SDHB: variants seen among roughly 807,000 people sequenced by gnomAD.
The protein encoded by SDHB is succinate dehydrogenase [ubiquinone] iron-sulfur subunit, mitochondrial.
A neutral mutation model predicts 39.7 loss-of-function variants in SDHB; 21 were observed. The observed-to-expected ratio is 0.53, with a 90% CI of 0.37 to 0.76. The LOEUF is 0.76. Among genes scored for constraint, SDHB ranks in the 30% least tolerant of loss-of-function variants. The pLI is 0.00. For missense variants in SDHB, 343 were observed against 350.9 expected (o/e 0.98, Z 0.18); for synonymous variants, 118 against 117.0 (o/e 1.01, Z -0.06).
At chr1:17,050,455 C>A (rs2078139637) in intron 1 of SDHB, among the ~76,000 whole-genome samples, 1 of 151,908 alleles carries the variant, frequency 6.6e-6, no homozygotes, top group African/African-American at 2.4e-5. Flanking sequence ...TCGAGATCAG[C>A]CTGGCCAACA....
At chr1:17,022,490 G>A in intron 7 of SDHB, 118 bp downstream of exon 7, 1 of 1,381,950 alleles carries the variant, frequency 7.2e-7, no homozygotes, top group Non-Finnish European at 1.0e-6. Flanking sequence ...GGCATATGCT[G>A]GTCCCTTTCC....
intron 2 of SDHB, among the ~76,000 whole-genome samples, chr1:17,041,925 T>C: frequency 6.6e-6 from 1 of 151,996 alleles, no homozygotes; most frequent in East Asian, 1.9e-4. Context: ...TAAGATTTTT[T>C]TTTCTTTTTT....
At chr1:17,019,243 TCTGA>T (rs1277104222) in intron 7 of SDHB, among the ~76,000 whole-genome samples, 1 of 152,204 alleles carries the variant, frequency 6.6e-6, no homozygotes, top group Non-Finnish European at 1.5e-5. Flanking sequence ...AGGTGCACTC[TCTGA>T]CTGCTCAAAG....
Position 17,039,360 on chromosome 1 carries a change from G to C in SDHB, c.200+5401C>G, listed in dbSNP as rs185868839. Among the ~76,000 whole-genome samples the C allele has an allele frequency of 2.0e-5, 3 of 150,114 alleles. No individual in the cohort carries two copies. In the East Asian group the frequency reaches 5.9e-4, roughly 29 times the overall value. On this transcript the variant is annotated intron_variant, in intron 2 of 7. Transcript: ENST00000375499. ...AGCACTTTGGAAGGCTGATGCAGGA[G>C]GACTGCTTGAGCCCAGGAGACCAGT...
intron 7 of SDHB, among the ~76,000 whole-genome samples, chr1:17,022,243 G>A (rs546767720): frequency 2.0e-5 from 3 of 152,310 alleles, no homozygotes; most frequent in South Asian, 2.1e-4. Context: ...AGCTGACATC[G>A]CGAGAAAGAT....
Position 17,053,963 on chromosome 1 carries a change from G to C in SDHB, c.57C>G (p.Gly19=). 1 of 1,612,768 alleles carries C rather than the reference G, an allele frequency of 6.2e-7. No homozygotes were observed. Among genetic ancestry groups the C allele is most frequent in the Non-Finnish European group, 8.5e-7 (1 of 1,179,432 alleles). ...LRRRLPATTL[G]GACLQASRGA... ...CAGGACTCACCTGCAGGCAGGCTCC[G>C]CCAAGGGTTGTGGCCGGCAACCGGC... is the stretch of plus-strand genomic sequence containing the variant. The change falls in exon 1 of 8, where the codon GGC becomes GGG. Residue 19 remains glycine, a synonymous_variant. Transcript: ENST00000375499.
At chr1:17,022,538 C>G (rs2077967371) in intron 7 of SDHB, 70 bp downstream of exon 7, 1 of 1,601,606 alleles carries the variant, frequency 6.2e-7, no homozygotes, top group African/African-American at 1.3e-5. Flanking sequence ...CCAATCACCT[C>G]TTTGTGAGCA....
intron 2 of SDHB, among the ~76,000 whole-genome samples, chr1:17,034,368 C>CT (rs939578271): frequency 3.9e-5 from 6 of 152,036 alleles, no homozygotes; most frequent in Non-Finnish European, 8.8e-5. Flanking sequence ...AGGCTGGTCT[C>CT]TAACTCCTGG....
intron 1 of SDHB, among the ~76,000 whole-genome samples, chr1:17,053,140 T>C (rs755662991): frequency 4.8e-4 from 73 of 152,288 alleles, no homozygotes; most frequent in Non-Finnish European, 5.6e-4. Flanking sequence ...CCCTTCTAAA[T>C]GTTCCCACTT....
intron 1 of SDHB, among the ~76,000 whole-genome samples, chr1:17,046,026 T>C (rs1283423817): frequency 6.6e-6 from 1 of 152,238 alleles, no homozygotes; most frequent in East Asian, 1.9e-4. Context: ...TGACGACTTG[T>C]GGTCAAGACC....
intron 5 of SDHB, among the ~76,000 whole-genome samples, chr1:17,025,278 TG>T (rs2077985548): frequency 6.6e-6 from 1 of 151,802 alleles, no homozygotes; most frequent in African/African-American, 2.4e-5. Flanking sequence ...ATAACATAAG[TG>T]AAAAAAGCAG....
rs578080474 is a variant in SDHB, at chr1:17,037,773, T to C, written c.201-4628A>G. 5.9e-5 allele frequency among the ~76,000 whole-genome samples: 9 copies of C among 152,110 alleles called. No individual in the cohort carries two copies. In the South Asian group the frequency reaches 6.2e-4, roughly 11 times the overall value. Reference sequence around the variant, plus strand: ...CACCCAGCCTGGCTAATTTTTTGTTTGCTTTTTTGTAGAGATGGGGGTCTC... The same window carrying C: ...CACCCAGCCTGGCTAATTTTTTGTTCGCTTTTTTGTAGAGATGGGGGTCTC... On this transcript the variant is annotated intron_variant, in intron 2 of 7. Coordinates refer to ENST00000375499, the MANE Select transcript of SDHB (RefSeq NM_003000.3).
At chr1:17,029,673 T>C (rs1333426614) in intron 3 of SDHB, among the ~76,000 whole-genome samples, 5 of 152,244 alleles carry the variant, frequency 3.3e-5, no homozygotes, top group Admixed American at 3.3e-4. Context: ...CAACATTGTC[T>C]TGGTCATCTT....
At chr1:17,045,520 GC>G (rs2078104407) in intron 1 of SDHB, among the ~76,000 whole-genome samples, 1 of 152,068 alleles carries the variant, frequency 6.6e-6, no homozygotes, top group Admixed American at 6.6e-5. Context: ...GACTGCTTGG[GC>G]CCGAGAGGTT....
At position 17,018,949 on chromosome 1, in the gene SDHB, G is replaced by A; in HGVS notation, c.775C>T (p.Pro259Ser). The change falls in exon 8 of 8, where the codon CCA (proline) becomes TCA (serine). Residue 259 changes from proline to serine, a missense_variant. Physicochemically the swap from Pro to Ser is moderately conservative, Grantham distance 74 (BLOSUM62 -1). Transcript: ENST00000375499. ...CTRTCPKGLNPGKAIAEIKKM... is the reference protein window; with the variant it reads ...CTRTCPKGLNSGKAIAEIKKM... The stretch of plus-strand genomic sequence containing the variant: ...TTGATCTCTGCAATAGCTTTCCCTG[G>A]ATTCAGACCCTTGAAAAAAGAGAAA... 1 of 1,609,822 alleles carries A rather than the reference G, an allele frequency of 6.2e-7. No individual in the cohort carries two copies. The highest frequency in any genetic ancestry group is 8.5e-7 in the Non-Finnish European group (1 of 1,176,842).
intron 7 of SDHB, among the ~76,000 whole-genome samples, chr1:17,020,074 T>C (rs958559096): frequency 4.6e-5 from 7 of 152,222 alleles, no homozygotes; most frequent in Non-Finnish European, 1.0e-4. Flanking sequence ...GTGTGCAGCA[T>C]AAAACACCTC....
At chr1:17,052,696 G>A (rs140214925) in intron 1 of SDHB, among the ~76,000 whole-genome samples, 17 of 152,268 alleles carry the variant, frequency 1.1e-4, no homozygotes, top group Non-Finnish European at 2.4e-4. Context: ...TTTCAGAAAG[G>A]CTGATGCAGA....
At chr1:17,027,106 TCCA>T (rs1364013786) in intron 5 of SDHB, among the ~76,000 whole-genome samples, 1 of 152,158 alleles carries the variant, frequency 6.6e-6, no homozygotes, top group African/African-American at 2.4e-5. Context: ...CTACCTCACG[TCCA>T]CAAGTATGCA....
intron 2 of SDHB, among the ~76,000 whole-genome samples, chr1:17,033,666 G>T (rs1441091108): frequency 6.6e-6 from 1 of 152,224 alleles, no homozygotes; most frequent in East Asian, 1.9e-4. Flanking sequence ...ATCCCTGGGC[G>T]TGGGACCTGG....
Sources: gnomAD v4.1 joint callset for allele counts (sites outside exome capture counted in the v4.1 genomes callset) on GRCh38, gnomAD v4.1.1 for gene constraint, MANE v1.5 for transcripts, NCBI Gene and HGNC (gene_info 2026-07-23, HGNC 2026-07-21) for gene names.